DNAH5: variants seen among roughly 807,000 people sequenced by gnomAD.
DNAH5 encodes the protein axonemal beta dynein heavy chain 5.
In DNAH5, 372 loss-of-function variants were observed where a neutral mutation model predicts 518.2. The observed-to-expected ratio is 0.72, with a 90% CI of 0.66 to 0.78. The LOEUF (loss-of-function observed/expected upper bound fraction) is 0.78. DNAH5 is among the 30% of genes least tolerant of loss of function. The probability of loss-of-function intolerance (pLI) is 0.00; values close to 1 mark genes in which losing one functional copy is unlikely to be tolerated. For synonymous variants in DNAH5, 2,039 were observed against 2,025.9 expected (o/e 1.01, Z -0.17); for missense variants, 5,523 against 5,687.0 (o/e 0.97, Z 0.93).
intron 3 of DNAH5, among the ~76,000 whole-genome samples, chr5:13,926,975 T>A (rs143357468): frequency 5.3e-5 from 8 of 152,354 alleles, no homozygotes; most frequent in Non-Finnish European, 1.2e-4. Context: ...TTTGCATGCA[T>A]AATTTCTTCA....
intron 1 of DNAH5, among the ~76,000 whole-genome samples, chr5:13,950,372 G>A (rs1443516069): frequency 6.6e-6 from 1 of 152,072 alleles, no homozygotes; most frequent in Non-Finnish European, 1.5e-5. Context: ...CGCCTCCTGG[G>A]TTCAAGCAAT....
At chr5:13,706,028 C>T (rs141003570) in intron 76 of DNAH5, among the ~76,000 whole-genome samples, 3 of 152,314 alleles carry the variant, frequency 2.0e-5, no homozygotes, top group Non-Finnish European at 4.4e-5. Context: ...GCTTAAGCCA[C>T]CCAGTCGGTG....
At chr5:13,973,734 A>C (rs928516381) in intron 1 of DNAH5, among the ~76,000 whole-genome samples, 9 of 150,774 alleles carry the variant, frequency 6.0e-5, no homozygotes, top group Non-Finnish European at 1.0e-4. Context: ...AAAAAAAAAA[A>C]AAACAAAAAA....
At chr5:13,740,414 T>C (rs1275728569) in intron 65 of DNAH5, among the ~76,000 whole-genome samples, 2 of 152,156 alleles carry the variant, frequency 1.3e-5, no homozygotes, top group Non-Finnish European at 2.9e-5. Context: ...CCAAGGCCTA[T>C]AAGGCTCTAC....
At position 13,792,032 on chromosome 5, in the gene DNAH5, T is replaced by G. The variant is rs199629940; in HGVS notation, c.8410A>C (p.Met2804Leu). 1 of 1,613,968 alleles carries G rather than the reference T, an allele frequency of 6.2e-7. No individual in the cohort carries two copies. The highest frequency in any genetic ancestry group is 8.5e-7 in the Non-Finnish European group (1 of 1,179,980). Residue 2804 changes from methionine to leucine, a missense_variant, in exon 50 of 79, where the codon ATG (methionine) becomes CTG (leucine). Around this residue, in one of 3 missense-constraint regions of DNAH5, gnomAD observed 5,121 missense variants for 5,223.3 expected, o/e 0.98. Coordinates refer to ENST00000265104, the MANE Select transcript of DNAH5 (RefSeq NM_001369.3). ...LRDLSRVWQGMLNTTSEVIKE... is the reference protein window; with the variant it reads ...LRDLSRVWQGLLNTTSEVIKE... The stretch of plus-strand genomic sequence containing the variant: ...ATGACCTCTGAAGTAGTGTTCAGCA[T>G]TCCCTGCCAGACCCGAGAAAGATCT...
intron 34 of DNAH5, among the ~76,000 whole-genome samples, chr5:13,839,949 T>C (rs1398060902): frequency 6.6e-6 from 1 of 152,196 alleles, no homozygotes; most frequent in African/African-American, 2.4e-5. Flanking sequence ...CAAAGTACGC[T>C]GTTGGGGTTT....
chr5:13,722,946 C>G (rs1005616914), intron 70 of DNAH5, among the ~76,000 whole-genome samples: 14 of 152,104 alleles, frequency 9.2e-5, no homozygotes, highest in Admixed American at 2.0e-4. Context: ...GTGGTCAGGC[C>G]CTCTTTGACA....
chr5:14,004,148 T>C lies in DNAH5; in HGVS notation c.12+7500A>G, dbSNP rs545993029. On this transcript the variant is annotated intron_variant, in intron 1 of 78. Transcript: ENST00000681290. Reference sequence around the variant, plus strand: ...AAGAAATGCTTCGAATATTGCTGCTTCGTGTCTGTTTAAGTATCTTTTATT... The same window carrying C: ...AAGAAATGCTTCGAATATTGCTGCTCCGTGTCTGTTTAAGTATCTTTTATT... Among the ~76,000 whole-genome samples the C allele has an allele frequency of 3.9e-5, 6 of 152,368 alleles. No homozygotes were observed. The South Asian group carries it at 1.0e-3, about 26-fold the overall frequency.
At chr5:13,904,355 GATT>G (rs757915153) in intron 12 of DNAH5, among the ~76,000 whole-genome samples, 1 of 148,596 alleles carries the variant, frequency 6.7e-6, no homozygotes, top group East Asian at 1.9e-4. Flanking sequence ...GAGAGATATG[GATT>G]ATATTTTTAT....
chr5:13,799,309 AT>A (rs1758374808), intron 47 of DNAH5, among the ~76,000 whole-genome samples: 1 of 151,920 alleles, frequency 6.6e-6, no homozygotes, highest in Non-Finnish European at 1.5e-5. Flanking sequence ...ACTTCCAGAC[AT>A]TCCCATGTCT....
intron 52 of DNAH5, among the ~76,000 whole-genome samples, chr5:13,785,074 A>G (rs1233800018): frequency 6.6e-6 from 1 of 152,098 alleles, no homozygotes; most frequent in Non-Finnish European, 1.5e-5. Context: ...ATATACTATG[A>G]AATAATTATA....
chr5:13,931,205 A>G lies in DNAH5; in HGVS notation c.97T>C (p.Leu33=). 6.2e-7 allele frequency: 1 copy of G among 1,614,150 alleles called. No individual in the cohort carries two copies. Among genetic ancestry groups the G allele is most frequent in the African/African-American group, 1.3e-5 (1 of 75,062 alleles). The change falls in exon 2 of 79, where the codon TTG becomes CTG. Residue 33 remains leucine (L), a synonymous_variant. Coordinates refer to ENST00000265104, the MANE Select transcript of DNAH5 (RefSeq NM_001369.3). The part of the protein sequence containing the change: ...KGEKEAKRAL[L]DARHNYLFAI... ...AATAAGTAGTTATGCCTCGCATCCAAAAGAGCCCGCTTGGCTTCCTTCTCT... is the reference window on the plus strand; with the variant it reads ...AATAAGTAGTTATGCCTCGCATCCAGAAGAGCCCGCTTGGCTTCCTTCTCT...
Position 13,775,527 on chromosome 5 carries a change from T to TAGAC in DNAH5, c.9373+908_9373+911dup, listed in dbSNP as rs141438574. On this transcript the variant is annotated intron_variant, in intron 55 of 78. Transcript: ENST00000265104. ...AGAGAGAGAAATACAGATAGATAGA[T>TAGAC]AGACAGACAGACAGACAGACAGACA... Among the ~76,000 whole-genome samples the TAGAC allele has an allele frequency of 2.3e-3, 346 of 151,830 alleles. 1 individual carries two copies. The highest frequency in any genetic ancestry group is 3.4e-3 in the Non-Finnish European group (228 of 67,930).
intron 28 of DNAH5, among the ~76,000 whole-genome samples, chr5:13,863,348 T>G (rs1219648358): frequency 1.1e-4 from 17 of 152,180 alleles, no homozygotes; most frequent in Admixed American, 1.1e-3. Context: ...TGAACTTCCC[T>G]GCTGAGATGT....
At chr5:13,810,743 G>T (rs1418715293) in intron 44 of DNAH5, among the ~76,000 whole-genome samples, 1 of 148,648 alleles carries the variant, frequency 6.7e-6, no homozygotes, top group Non-Finnish European at 1.5e-5. Context: ...GACAGTGCGA[G>T]ACTCCATGTC....
At position 13,854,683 on chromosome 5, in the gene DNAH5, C is replaced by G. The variant is rs544353137; in HGVS notation, c.4951-3868G>C. On this transcript the variant is annotated intron_variant, in intron 30 of 78. Transcript: ENST00000265104. ...AAGGGATAGAGGAATATTTACCAAG[C>G]AAATGGAAAGCAAAGAAAAAGCAGG... Among the ~76,000 whole-genome samples the G allele has an allele frequency of 1.4e-4, 18 of 129,450 alleles. No homozygotes were observed. The East Asian group carries it at 3.3e-3, about 24-fold the overall frequency. 84.9% of individuals were successfully genotyped at this position (129,450 alleles called of 152,430 possible).
At chr5:13,856,040 A>G (rs1413829245) in intron 30 of DNAH5, among the ~76,000 whole-genome samples, 3 of 152,234 alleles carry the variant, frequency 2.0e-5, no homozygotes, top group African/African-American at 7.2e-5. Flanking sequence ...CACAGGAGAA[A>G]GTGGAAAAGA....
Position 13,993,859 on chromosome 5 carries a change from C to T in DNAH5, c.12+17789G>A, listed in dbSNP as rs73047513. Among the ~76,000 whole-genome samples, 822 of 152,308 alleles carry T rather than the reference C, an allele frequency of 5.4e-3. 8 individuals carry two copies. Among genetic ancestry groups the T allele is most frequent in the African/African-American group, 0.019 (778 of 41,558 alleles). On this transcript the variant is annotated intron_variant, in intron 1 of 78. Transcript: ENST00000681290. ...CCCCAAGACTTCAGCAGATCCCAGA[C>T]GGCTAAGGGTGCAAGATCACCTCCA...
chr5:13,982,121 C>T (rs913701313), intron 1 of DNAH5, among the ~76,000 whole-genome samples: 3 of 152,242 alleles, frequency 2.0e-5, no homozygotes, highest in Non-Finnish European at 4.4e-5. Context: ...AACTGCAAGG[C>T]GAGCTTCTTA....
Sources: allele counts gnomAD v4.1 joint callset (sites outside exome capture counted in the v4.1 genomes callset), GRCh38; gene constraint gnomAD v4.1.1; regional missense constraint gnomAD v4.1.1; transcripts MANE v1.5; gene names NCBI Gene and HGNC (gene_info 2026-07-23, HGNC 2026-07-21).